IFT140: variants seen among roughly 807,000 people sequenced by gnomAD.
IFT140 encodes the protein intraflagellar transport 140.
A neutral mutation model predicts 164.6 loss-of-function variants in IFT140; 133 were observed. The ratio of observed to expected loss-of-function variants is 0.81; its 90% CI spans 0.70 to 0.93. The LOEUF (loss-of-function observed/expected upper bound fraction) is 0.93. IFT140 is among the 40% of genes least tolerant of loss of function. The pLI, the probability that IFT140 is intolerant of heterozygous loss-of-function variation, is 0.00. For missense variants in IFT140, 2,045 were observed against 1,972.3 expected, an observed-to-expected ratio of 1.04 and a Z score of -0.70; for synonymous variants, 860 against 817.3, an observed-to-expected ratio of 1.05 and a Z score of -0.89.
chr16:1,511,080 T>G lies in IFT140; in HGVS notation c.4253A>C (p.Gln1418Pro). 6.2e-7 allele frequency: 1 copy of G among 1,610,200 alleles called. No individual in the cohort carries two copies. Among genetic ancestry groups the G allele is most frequent in the East Asian group, 2.2e-5 (1 of 44,818 alleles). The change falls in exon 31 of 31, where the codon CAG becomes CCG. Residue 1418 changes from glutamine to proline, a missense_variant. Coordinates refer to ENST00000426508, the MANE Select transcript of IFT140 (RefSeq NM_014714.4). ...CCCCCGGTGCACGGCGTCCACGGCC[T>G]GCGGGCTCACGTAGTAGGACATGTT... ...LANMSYYVSP[Q>P]AVDAVHRGLG...
chr16:1,550,121 G>A (rs1362145700), intron 19 of IFT140, among the ~76,000 whole-genome samples: 5 of 152,116 alleles, frequency 3.3e-5, no homozygotes, highest in Admixed American at 1.3e-4. Context: ...GTACTTTTTT[G>A]TAGAGGCAGG....
At chr16:1,541,931 C>T in intron 19 of IFT140, 1 of 1,603,366 alleles carries the variant, frequency 6.2e-7, no homozygotes, top group East Asian at 2.2e-5. Flanking sequence ...TGCAGTTCGA[C>T]ATGATGCGCG....
In IFT140 at chr16:1,553,537, A is replaced by T; in HGVS notation, c.2399+4398T>A. 1 of 996,250 alleles carries T rather than the reference A, an allele frequency of 1.0e-6. No individual in the cohort carries two copies. Among genetic ancestry groups the T allele is most frequent in the Non-Finnish European group, 1.2e-6 (1 of 835,694 alleles). The allele number at this position is 996,250 out of a possible 1,614,324, so 61.7% of individuals were successfully genotyped here. ...GGGGAGGGACATGGACAAGTCCTCT[A>T]TGGACAAGAGGGGCTGGAGAGTTTA... On this transcript the variant is annotated intron_variant, in intron 19 of 30. Transcript: ENST00000426508. The surrounding 1 kb of genome is among the most constrained non-coding windows in gnomAD (Gnocchi z 4.4).
Position 1,519,932 on chromosome 16 carries a change from G to A in IFT140, c.3989C>T (p.Ala1330Val), listed in dbSNP as rs376151586. ...KSPLDQETRL[A>V]QLQSRMALVK... ...CAGTGCCATCCTGCTCTGCAGCTGC[G>A]CCAGCCTGGTCTCCTGGTCCAGGGG... Residue 1330 changes from alanine (A) to valine (V), a missense_variant, in exon 29 of 31, where the codon GCG (alanine) becomes GTG (valine). Physicochemically the swap from Ala to Val is moderately conservative, Grantham distance 64. Transcript: ENST00000426508. The A allele has an allele frequency of 8.7e-6, 14 of 1,600,924 alleles. No homozygotes were observed. The highest frequency in any genetic ancestry group is 4.5e-5 in the South Asian group (4 of 89,360).
Position 1,510,542 on chromosome 16 carries a change from G to C in IFT140, c.*402C>G, listed in dbSNP as rs889089332. 1 of 270,968 alleles carries C rather than the reference G, an allele frequency of 3.7e-6. No individual in the cohort carries two copies. Among genetic ancestry groups the C allele is most frequent in the Non-Finnish European group, 7.1e-6 (1 of 141,438 alleles). The allele number at this position is 270,968 out of a possible 1,614,324, so 16.8% of individuals were successfully genotyped here. A position where few individuals can be genotyped will look rare whatever the true frequency, so the allele number is the denominator to read the frequency against. On this transcript the variant is annotated 3_prime_UTR_variant, in exon 31 of 31. Transcript: ENST00000426508. Reference sequence around the variant, plus strand: ...GTGTCCCAGCTGTTGCTCAGGAGCCGTGGGCCCTGCAGGAGTATGGGGAGG... The same window carrying C: ...GTGTCCCAGCTGTTGCTCAGGAGCCCTGGGCCCTGCAGGAGTATGGGGAGG...
At chr16:1,542,470 C>T (rs528200207) in intron 19 of IFT140, among the ~76,000 whole-genome samples, 19 of 152,360 alleles carry the variant, frequency 1.2e-4, no homozygotes, top group African/African-American at 3.6e-4. Flanking sequence ...GGAGCAGCCC[C>T]TGGGCAGAGG....
intron 4 of IFT140, among the ~76,000 whole-genome samples, chr16:1,601,223 C>T (rs906091066): frequency 6.7e-6 from 1 of 149,556 alleles, no homozygotes; most frequent in Non-Finnish European, 1.5e-5. Context: ...GAGAACGTGC[C>T]ACTGCACTCT....
intron 19 of IFT140, among the ~76,000 whole-genome samples, chr16:1,548,437 C>A (rs1288690308): frequency 1.3e-5 from 2 of 152,230 alleles, no homozygotes. Flanking sequence ...GTAATTCACA[C>A]TGTCCGGGCG....
intron 3 of IFT140, 136 bp from the exon 4 acceptor site, chr16:1,602,727 G>T: frequency 1.3e-6 from 1 of 769,212 alleles, no homozygotes; most frequent in South Asian, 1.7e-5. Context: ...GGATCACAAA[G>T]TCAGGAGTTC....
intron 19 of IFT140, among the ~76,000 whole-genome samples, chr16:1,537,306 C>T (rs573411644): frequency 3.9e-5 from 6 of 152,366 alleles, no homozygotes; most frequent in Middle Eastern, 3.4e-3. Context: ...CGCTGAGGCC[C>T]GCGTGGATGT....
chr16:1,561,915 C>A, intron 18 of IFT140, 70 bp downstream of exon 18: 1 of 1,439,748 alleles, frequency 6.9e-7, no homozygotes, highest in Non-Finnish European at 9.2e-7. Context: ...CTCCCTGGGA[C>A]GCTTGCAAGA....
At chr16:1,549,101 G>T (rs1267071539) in intron 19 of IFT140, among the ~76,000 whole-genome samples, 1 of 152,232 alleles carries the variant, frequency 6.6e-6, no homozygotes. Context: ...GGCCGCGCAG[G>T]TTCATGAGGT....
intron 15 of IFT140, 136 bp from the exon 16 acceptor site, chr16:1,566,427 C>T (rs998336595): frequency 5.4e-6 from 4 of 738,630 alleles, no homozygotes; most frequent in Non-Finnish European, 8.9e-6. Context: ...CACTCATCTT[C>T]CAAGGACTAG....
In IFT140 at chr16:1,586,178, C is replaced by T. The variant is rs1248845874; in HGVS notation, c.1107G>A (p.Trp369Ter). ...GSPGAEGKDR[W>*]ALQTPTELQG... ...GGAGCTCGGTAGGGGTCTGAAGGGC[C>T]CACCTGTCCTTGCCCTCTGCCCCGG... Residue 369 changes from tryptophan (W) to a stop codon, truncating the protein, a stop_gained, in exon 10 of 31, where the codon TGG becomes TGA. Transcript: ENST00000426508. LOFTEE classifies it high-confidence loss of function. 6.2e-7 allele frequency: 1 copy of T among 1,613,912 alleles called. No homozygotes were observed. Among genetic ancestry groups the T allele is most frequent in the Non-Finnish European group, 8.5e-7 (1 of 1,180,050 alleles).
chr16:1,532,837 C>T (rs1452619009), intron 19 of IFT140: 1 of 152,276 alleles, frequency 6.6e-6, no homozygotes, highest in Non-Finnish European at 1.5e-5. Context: ...TCTGAGCTCC[C>T]TGGCAGCATA....
At chr16:1,513,891 TCTCC>T (rs2040261051) in intron 30 of IFT140, among the ~76,000 whole-genome samples, 2 of 142,012 alleles carry the variant, frequency 1.4e-5, no homozygotes, top group Non-Finnish European at 3.0e-5. Flanking sequence ...GCCAAGATGG[TCTCC>T]ATCTCCTGAC....
chr16:1,564,268 G>A lies in IFT140; in HGVS notation c.1902-106C>T. Reference sequence around the variant, plus strand: ...GCCTCCAGGTGCTGTCCCAGACCATGGTGTCCACGCGCTCAGCTCTGGGAG... The same window carrying A: ...GCCTCCAGGTGCTGTCCCAGACCATAGTGTCCACGCGCTCAGCTCTGGGAG... On this transcript the variant is annotated intron_variant, in intron 16 of 30. Coordinates refer to ENST00000426508, the MANE Select transcript of IFT140 (RefSeq NM_014714.4). The surrounding 1 kb of genome is among the most constrained non-coding windows in gnomAD (Gnocchi z 5.5). 1 of 921,360 alleles carries A rather than the reference G, an allele frequency of 1.1e-6. No homozygotes were observed. The highest frequency in any genetic ancestry group is 1.6e-6 in the Non-Finnish European group (1 of 642,022). 57.1% of individuals were successfully genotyped at this position (921,360 alleles called of 1,614,324 possible).
rs773550923 is a variant in IFT140, at chr16:1,553,356, C to T, written c.2399+4579G>A. 2.0e-4 allele frequency: 200 copies of T among 985,288 alleles called. No homozygotes were observed. Among genetic ancestry groups the T allele is most frequent in the Non-Finnish European group, 2.3e-4 (193 of 829,948 alleles). 61.0% of individuals were successfully genotyped at this position (985,288 alleles called of 1,614,324 possible). On this transcript the variant is annotated intron_variant, in intron 19 of 30. Coordinates refer to ENST00000426508, the MANE Select transcript of IFT140 (RefSeq NM_014714.4). The surrounding 1 kb of genome is among the most constrained non-coding windows in gnomAD (Gnocchi z 4.4). Reference sequence around the variant, plus strand: ...TGTCTCTTTTTCTCCCATCCTCTCTCGATGCTGGGGCCACACAGGGCAGGG... The same window carrying T: ...TGTCTCTTTTTCTCCCATCCTCTCTTGATGCTGGGGCCACACAGGGCAGGG...
At chr16:1,601,263 C>CAAAAA (rs965825314) in intron 4 of IFT140, among the ~76,000 whole-genome samples, 34 of 55,290 alleles carry the variant, frequency 6.1e-4, no homozygotes, top group Admixed American at 5.5e-3. Context: ...GATTCCATCA[C>CAAAAA]AAAAAAAAAA....
Sources: allele counts gnomAD v4.1 joint callset (sites outside exome capture counted in the v4.1 genomes callset), GRCh38; gene constraint gnomAD v4.1.1; non-coding constraint Gnocchi (gnomAD v3.1); transcripts MANE v1.5; gene names NCBI Gene and HGNC (gene_info 2026-07-23, HGNC 2026-07-21).